The following CFTR variants were observed in gnomAD, a reference collection of about 807,000 sequenced individuals.
CFTR encodes cystic fibrosis transmembrane conductance regulator.
Under a neutral mutation model 171.6 loss-of-function variants are expected in CFTR, and 181 were observed. The ratio of observed to expected loss-of-function variants is 1.05; its 90% CI spans 0.93 to 1.19. CFTR has a LOEUF of 1.19. Ranked by LOEUF, CFTR falls within the 50% of genes most tolerant of loss-of-function variation. The probability of loss-of-function intolerance (pLI) is 0.00; values close to 1 mark genes in which losing one functional copy is unlikely to be tolerated. For missense variants in CFTR, 1,968 were observed against 1,734.7 expected (o/e 1.13, Z -2.39); for synonymous variants, 583 against 608.0 (o/e 0.96, Z 0.60).
At chr7:117,643,297 C>T (rs569301779) in intron 23 of CFTR, among the ~76,000 whole-genome samples, 6 of 152,076 alleles carry the variant, frequency 3.9e-5, no homozygotes, top group South Asian at 4.2e-4. Flanking sequence ...CTAGTCTTTC[C>T]GGGTATATTC....
chr7:117,487,919 A>G (rs1375389176), intron 1 of CFTR: 1 of 152,172 alleles, frequency 6.6e-6, no homozygotes, highest in Non-Finnish European at 1.5e-5. Context: ...AAGAAAATGA[A>G]GCCTATGTTG....
intron 3 of CFTR, among the ~76,000 whole-genome samples, chr7:117,514,794 A>T (rs1283545123): frequency 2.0e-5 from 3 of 152,068 alleles, no homozygotes; most frequent in Admixed American, 2.0e-4. Context: ...AAGCGTTCCT[A>T]TTTCTCCACA....
intron 11 of CFTR, among the ~76,000 whole-genome samples, chr7:117,583,075 T>A (rs1056118015): frequency 6.6e-6 from 1 of 152,208 alleles, no homozygotes; most frequent in Non-Finnish European, 1.5e-5. Context: ...GAAATTTGAC[T>A]GAAACAGCCT....
intron 11 of CFTR, among the ~76,000 whole-genome samples, chr7:117,578,497 C>A (rs1791804851): frequency 6.6e-6 from 1 of 152,144 alleles, no homozygotes; most frequent in South Asian, 2.1e-4. Context: ...AGTTAAGTTT[C>A]TGGTAGTTAC....
intron 22 of CFTR, among the ~76,000 whole-genome samples, chr7:117,629,306 C>T (rs1792702157): frequency 6.6e-6 from 1 of 152,104 alleles, no homozygotes; most frequent in Admixed American, 6.6e-5. Context: ...AAAATGACAA[C>T]AAATTTAGTT....
intron 11 of CFTR, among the ~76,000 whole-genome samples, chr7:117,559,999 A>G (rs977716377): frequency 6.6e-6 from 1 of 152,082 alleles, no homozygotes; most frequent in Non-Finnish European, 1.5e-5. Flanking sequence ...TATCTTTTTA[A>G]AAGATACCAC....
At chr7:117,542,598 A>G (rs376542512) in intron 9 of CFTR, among the ~76,000 whole-genome samples, 24 of 152,238 alleles carry the variant, frequency 1.6e-4, no homozygotes, top group African/African-American at 5.8e-4. Flanking sequence ...GGAATATTAA[A>G]TGCAATATAA....
chr7:117,551,011 C>T (rs1277058615), intron 10 of CFTR, among the ~76,000 whole-genome samples: 3 of 152,106 alleles, frequency 2.0e-5, no homozygotes, highest in Non-Finnish European at 4.4e-5. Flanking sequence ...TTAAATCTTA[C>T]CCACTCAATA....
chr7:117,579,975 C>T (rs1260470288), intron 11 of CFTR, among the ~76,000 whole-genome samples: 1 of 151,610 alleles, frequency 6.6e-6, no homozygotes, highest in African/African-American at 2.4e-5. Context: ...ATAGGATACT[C>T]AATGTATAAC....
At chr7:117,587,432 A>G (rs1391678488) in intron 11 of CFTR, among the ~76,000 whole-genome samples, 1 of 152,184 alleles carries the variant, frequency 6.6e-6, no homozygotes, top group African/African-American at 2.4e-5. Context: ...CCTATGGATG[A>G]TCTACACATA....
chr7:117,524,791 G>C (rs1388880577), intron 3 of CFTR, among the ~76,000 whole-genome samples: 3 of 152,172 alleles, frequency 2.0e-5, no homozygotes, highest in Admixed American at 1.3e-4. Context: ...TTTATTCACA[G>C]GGTGGCATGT....
In CFTR at chr7:117,548,806, T is replaced by A. The variant is rs1455948000; in HGVS notation, c.1375T>A (p.Ser459Thr). ...ERGQLLAVAG[S>T]TGAGKTSLLM... ...AGGACAGTTGTTGGCGGTTGCTGGA[T>A]CCACTGGAGCAGGCAAGGTAGTTCT... The change falls in exon 10 of 27, where the codon TCC becomes ACC. Residue 459 changes from serine (S) to threonine (T), a missense_variant. By Grantham distance (58) the Ser-to-Thr change is moderately conservative. Coordinates refer to ENST00000003084, the MANE Select transcript of CFTR (RefSeq NM_000492.4). 6.2e-7 allele frequency: 1 copy of A among 1,610,570 alleles called. No homozygotes were observed. The highest frequency in any genetic ancestry group is 1.3e-5 in the African/African-American group (1 of 74,806).
chr7:117,598,035 C>T (rs1792164387), intron 15 of CFTR, among the ~76,000 whole-genome samples: 1 of 152,184 alleles, frequency 6.6e-6, no homozygotes, highest in Admixed American at 6.5e-5. Context: ...CTATAGAAGG[C>T]AGCTGTCACT....
intron 1 of CFTR, among the ~76,000 whole-genome samples, chr7:117,486,168 C>G (rs1798070908): frequency 6.6e-6 from 1 of 152,080 alleles, no homozygotes; most frequent in Non-Finnish European, 1.5e-5. Context: ...TTTGCTAGGT[C>G]CGTAGGATTA....
intron 18 of CFTR, among the ~76,000 whole-genome samples, chr7:117,609,515 C>T (rs964315743): frequency 1.3e-4 from 19 of 151,904 alleles, no homozygotes; most frequent in Admixed American, 4.6e-4. Context: ...TACATGTTAG[C>T]GGACTTTGTA....
intron 3 of CFTR, among the ~76,000 whole-genome samples, chr7:117,509,888 T>G (rs1017682974): frequency 6.6e-6 from 1 of 152,180 alleles, no homozygotes; most frequent in Non-Finnish European, 1.5e-5. Context: ...TGCACAATAT[T>G]TGCTTTGGGG....
chr7:117,565,867 G>A (rs1308534744), intron 11 of CFTR, among the ~76,000 whole-genome samples: 1 of 152,066 alleles, frequency 6.6e-6, no homozygotes, highest in Non-Finnish European at 1.5e-5. Flanking sequence ...GAAAAAGCTT[G>A]GGAGGGAAGT....
chr7:117,611,611 C>G lies in CFTR; in HGVS notation c.3170C>G (p.Thr1057Arg). The G allele has an allele frequency of 1.2e-6, 2 of 1,612,520 alleles. No individual in the cohort carries two copies. The highest frequency in any genetic ancestry group is 8.5e-7 in the Non-Finnish European group (1 of 1,178,862). The change falls in exon 20 of 27, where the codon ACA becomes AGA. Residue 1057 changes from threonine to arginine, a missense_variant. Transcript: ENST00000003084. ...GRSPIFTHLV[T>R]SLKGLWTLRA... ...AGTCCAATTTTCACTCATCTTGTTA[C>G]AAGCTTAAAAGGACTATGGACACTT...
At position 117,633,055 on chromosome 7, in the gene CFTR, T is replaced by G. The variant is rs1438854911; in HGVS notation, c.3717+5285T>G. 2.6e-5 allele frequency among the ~76,000 whole-genome samples: 4 copies of G among 152,176 alleles called. No individual in the cohort carries two copies. The South Asian group carries it at 8.3e-4, about 32-fold the overall frequency. ...AGTTTGCCAATGTATGCAAAATAAC[T>G]GGCTGGGATTTTGATTGTGATTGGC... On this transcript the variant is annotated intron_variant, in intron 22 of 26. Coordinates refer to ENST00000003084, the MANE Select transcript of CFTR (RefSeq NM_000492.4).
Sources: gnomAD v4.1 joint callset for allele counts (sites outside exome capture counted in the v4.1 genomes callset) on GRCh38, gnomAD v4.1.1 for gene constraint, MANE v1.5 for transcripts, NCBI Gene and HGNC (gene_info 2026-07-23, HGNC 2026-07-21) for gene names.